KDM4D: variants seen among roughly 807,000 people sequenced by gnomAD.
KDM4D encodes the protein lysine demethylase 4D.
For missense variants in KDM4D, 427 were observed against 674.8 expected (o/e 0.63, Z 4.07); for synonymous variants, 254 against 249.1 (o/e 1.02, Z -0.19).
At position 94,980,893 on chromosome 11, in the gene KDM4D, GT is replaced by G. The variant is rs149078448; in HGVS notation, c.-350+5149del. Among the ~76,000 whole-genome samples, 79 of 152,084 alleles carry G rather than the reference GT, an allele frequency of 5.2e-4. No individual in the cohort carries two copies. In the East Asian group the frequency reaches 8.5e-3, roughly 16 times the overall value. ...TGACAGCTTTGTTTCTTCCTTTTCT[GT>G]TTTCCTTCTTTTTTCCTTGCCTTCT... On this transcript the variant is annotated intron_variant, in intron 2 of 2. Transcript: ENST00000335080.
In KDM4D at chr11:94,998,761, G is replaced by A; in HGVS notation, c.1389G>A (p.Gln463=). The part of the protein sequence containing the change: ...RGRPPQKLRA[Q]ELTLQTPAKR... The stretch of plus-strand genomic sequence containing the variant: ...GCCCTCCTCAGAAACTGAGAGCTCA[G>A]GAGCTGACCCTCCAGACTCCAGCCA... The change falls in exon 3 of 3, where the codon CAG becomes CAA. Residue 463 remains glutamine, a synonymous_variant. Transcript: ENST00000335080. This position sits in a 1 kb window ranked among gnomAD's most constrained non-coding sequence, Gnocchi z 6.7. 6.2e-7 allele frequency: 1 copy of A among 1,612,354 alleles called. No homozygotes were observed. The highest frequency in any genetic ancestry group is 8.5e-7 in the Non-Finnish European group (1 of 1,178,574).
chr11:94,978,230 C>CAAGTT (rs1349800726), intron 2 of KDM4D, among the ~76,000 whole-genome samples: 2 of 151,966 alleles, frequency 1.3e-5, no homozygotes, highest in Non-Finnish European at 2.9e-5. Flanking sequence ...TCTCATTTAC[C>CAAGTT]AAGTTATTGG....
At chr11:94,983,303 T>C (rs1231387846) in intron 2 of KDM4D, among the ~76,000 whole-genome samples, 2 of 150,024 alleles carry the variant, frequency 1.3e-5, no homozygotes, top group African/African-American at 4.9e-5. Flanking sequence ...TTTCTTACAA[T>C]AACACACAGT....
chr11:94,988,476 C>G (rs146051586), intron 2 of KDM4D, among the ~76,000 whole-genome samples: 6 of 152,140 alleles, frequency 3.9e-5, no homozygotes, highest in African/African-American at 1.4e-4. Flanking sequence ...CTAGACTCTT[C>G]CAATCAGACA....
At chr11:94,996,709 G>A (rs1555099241) in intron 2 of KDM4D, among the ~76,000 whole-genome samples, 1 of 152,144 alleles carries the variant, frequency 6.6e-6, no homozygotes, top group Non-Finnish European at 1.5e-5. Context: ...GAACATTACT[G>A]GATGTGACTT....
At chr11:94,994,324 G>A (rs587597364) in intron 2 of KDM4D, among the ~76,000 whole-genome samples, 6 of 152,282 alleles carry the variant, frequency 3.9e-5, no homozygotes, top group Non-Finnish European at 7.4e-5. Context: ...ACTTTCAGGG[G>A]CTCACTGGGC....
chr11:94,983,022 T>C (rs1307144184), intron 2 of KDM4D, among the ~76,000 whole-genome samples: 1 of 152,060 alleles, frequency 6.6e-6, no homozygotes. Context: ...ACTGAAGTTT[T>C]ACTCTATAAA....
In KDM4D at chr11:94,998,062, C is replaced by T. The variant is rs782605380; in HGVS notation, c.690C>T (p.Leu230=). 1.9e-6 allele frequency: 3 copies of T among 1,614,090 alleles called. No homozygotes were observed. Among genetic ancestry groups the T allele is most frequent in the African/African-American group, 2.7e-5 (2 of 74,946 alleles). ...GQRLERLARE[L]FPGSSRGCGA... is the part of the protein sequence containing the mutation. Reference sequence around the variant, plus strand: ...GCCTGGAACGCCTGGCCAGGGAGCTCTTCCCAGGCAGTTCCCGGGGTTGTG... The same window carrying T: ...GCCTGGAACGCCTGGCCAGGGAGCTTTTCCCAGGCAGTTCCCGGGGTTGTG... The change falls in exon 3 of 3, where the codon CTC becomes CTT. Residue 230 remains leucine, a synonymous_variant. Coordinates refer to ENST00000335080, the MANE Select transcript of KDM4D (RefSeq NM_018039.3). The surrounding 1 kb of genome is among the most constrained non-coding windows in gnomAD (Gnocchi z 6.7).
chr11:94,999,365 C>G lies in KDM4D; in HGVS notation c.*421C>G, dbSNP rs1441969862. Reference sequence around the variant, plus strand: ...TTTCTCTCTTCCCCTCCCTCACCCCCTTTTTCTTATAAAACTAGGTTCTTT... The same window carrying G: ...TTTCTCTCTTCCCCTCCCTCACCCCGTTTTTCTTATAAAACTAGGTTCTTT... On this transcript the variant is annotated 3_prime_UTR_variant, in exon 3 of 3. Transcript: ENST00000335080. 1.2e-5 allele frequency: 2 copies of G among 169,936 alleles called. No individual in the cohort carries two copies. The highest frequency in any genetic ancestry group is 2.1e-4 in the South Asian group (1 of 4,862). The allele number at this position is 169,936 out of a possible 1,614,324, so 10.5% of individuals were successfully genotyped here. A position where few individuals can be genotyped will look rare whatever the true frequency, so the allele number is the denominator to read the frequency against.
intron 2 of KDM4D, among the ~76,000 whole-genome samples, chr11:94,984,862 G>A (rs186480061): frequency 2.5e-4 from 37 of 147,770 alleles, no homozygotes; most frequent in Middle Eastern, 3.5e-3. Flanking sequence ...GCAAGACTCC[G>A]TCTCAAAAAA....
Position 94,997,218 on chromosome 11 carries a change from G to C in KDM4D, c.-155G>C. 1 of 525,244 alleles carries C rather than the reference G, an allele frequency of 1.9e-6. No individual in the cohort carries two copies. The highest frequency in any genetic ancestry group is 3.2e-6 in the Non-Finnish European group (1 of 314,960). The allele number at this position is 525,244 out of a possible 1,614,324, so 32.5% of individuals were successfully genotyped here. ...CTCACTAGTGAATAAACAAGCCCAA[G>C]AAAGATTATCATCTCATTTGCAAAA... is the stretch of plus-strand genomic sequence containing the variant. On this transcript the variant is annotated 5_prime_UTR_variant, in exon 3 of 3. Transcript: ENST00000335080.
At chr11:94,977,453 C>T (rs1043893652) in intron 2 of KDM4D, among the ~76,000 whole-genome samples, 7 of 152,090 alleles carry the variant, frequency 4.6e-5, no homozygotes, top group Non-Finnish European at 8.8e-5. Context: ...TGCTTGGACA[C>T]GCACACAGCT....
intron 2 of KDM4D, among the ~76,000 whole-genome samples, chr11:94,985,279 T>C (rs1857875717): frequency 6.6e-6 from 1 of 152,170 alleles, no homozygotes. Context: ...ACAAGATCAA[T>C]ATACATAAAT....
intron 2 of KDM4D, among the ~76,000 whole-genome samples, chr11:94,983,540 T>C (rs781942934): frequency 2.6e-5 from 4 of 151,894 alleles, no homozygotes; most frequent in Non-Finnish European, 5.9e-5. Flanking sequence ...TTTGCAACAA[T>C]ACAATAGACA....
At chr11:94,986,081 C>T (rs1236061935) in intron 2 of KDM4D, among the ~76,000 whole-genome samples, 3 of 152,082 alleles carry the variant, frequency 2.0e-5, no homozygotes. Flanking sequence ...TTGTGCACTT[C>T]GAAAGACATA....
rs200053257 is a variant in KDM4D, at chr11:94,998,802, C to T, written c.1430C>T (p.Ala477Val). Residue 477 changes from alanine to valine, a missense_variant, in exon 3 of 3, where the codon GCG becomes GTG. Transcript: ENST00000335080. This position sits in a 1 kb window ranked among gnomAD's most constrained non-coding sequence, Gnocchi z 6.7. Reference protein sequence around the residue: ...LQTPAKRPLLAGTTCTASGPE... With the variant: ...LQTPAKRPLLVGTTCTASGPE... ...ACTCCAGCCAAGAGGCCCCTCTTGG[C>T]GGGCACAACATGCACAGCTTCGGGC... 2.1e-5 allele frequency: 33 copies of T among 1,605,152 alleles called. No individual in the cohort carries two copies. The African/African-American group carries it at 2.3e-4, about 11-fold the overall frequency.
At chr11:94,994,220 G>A (rs1046248134) in intron 2 of KDM4D, among the ~76,000 whole-genome samples, 2 of 152,146 alleles carry the variant, frequency 1.3e-5, no homozygotes, top group Non-Finnish European at 2.9e-5. Context: ...TGGTGACTAC[G>A]ATAACACATT....
chr11:94,999,474 A>G lies in KDM4D; in HGVS notation c.*530A>G, dbSNP rs1472757506. 2 of 165,730 alleles carry G rather than the reference A, an allele frequency of 1.2e-5. No homozygotes were observed. Among genetic ancestry groups the G allele is most frequent in the Non-Finnish European group, 1.5e-5 (1 of 68,146 alleles). The allele number at this position is 165,730 out of a possible 1,614,324, so 10.3% of individuals were successfully genotyped here. A position where few individuals can be genotyped will look rare whatever the true frequency, so the allele number is the denominator to read the frequency against. On this transcript the variant is annotated 3_prime_UTR_variant, in exon 3 of 3. Coordinates refer to ENST00000335080, the MANE Select transcript of KDM4D (RefSeq NM_018039.3). ...TGTACTTAAAATATGTTGTCACAGT[A>G]TTTGTTCCCAAATATATTAAAGGTA... is the stretch of plus-strand genomic sequence containing the variant.
At chr11:94,985,661 C>A (rs1481551423) in intron 2 of KDM4D, among the ~76,000 whole-genome samples, 1 of 152,022 alleles carries the variant, frequency 6.6e-6, no homozygotes, top group Non-Finnish European at 1.5e-5. Flanking sequence ...TTGGAGGGCT[C>A]ACACTTTTCT....
Sources: allele counts gnomAD v4.1 joint callset (sites outside exome capture counted in the v4.1 genomes callset), GRCh38; gene constraint gnomAD v4.1.1; non-coding constraint Gnocchi (gnomAD v3.1); transcripts MANE v1.5; gene names NCBI Gene and HGNC (gene_info 2026-07-23, HGNC 2026-07-21).